Variants in ATP8A1 observed in about 807,000 individuals in gnomAD.
ATP8A1 encodes phospholipid-transporting ATPase IA.
A neutral mutation model predicts 177.7 loss-of-function variants in ATP8A1; 90 were observed. That is an observed-to-expected ratio of 0.51 (90% CI 0.43 to 0.60). The LOEUF (loss-of-function observed/expected upper bound fraction) is 0.60, where lower values mean the gene tolerates loss of function less well. Ranked by LOEUF, ATP8A1 falls within the 20% of genes least tolerant of loss-of-function variation. The pLI, the probability that ATP8A1 is intolerant of heterozygous loss-of-function variation, is 0.00. For synonymous variants in ATP8A1, 493 were observed against 485.9 expected (o/e 1.01, Z -0.19); for missense variants, 1,072 against 1,392.8 (o/e 0.77, Z 3.67).
At chr4:42,520,792 T>C (rs1726042634) in intron 22 of ATP8A1, among the ~76,000 whole-genome samples, 1 of 152,162 alleles carries the variant, frequency 6.6e-6, no homozygotes, top group South Asian at 2.1e-4. Flanking sequence ...TATACAGGTA[T>C]GATATATGTG....
intron 25 of ATP8A1, among the ~76,000 whole-genome samples, chr4:42,471,241 T>C (rs1303893566): frequency 1.3e-5 from 2 of 152,174 alleles, no homozygotes; most frequent in South Asian, 2.1e-4. Flanking sequence ...AAGTGCGCTA[T>C]TCAAATGACT....
rs1473727038 is a variant in ATP8A1, at chr4:42,585,950, T to C, written c.722+399A>G. ...CCCTTGAAGGTAGAGTCTGAACTCC[T>C]TGAAGCATCTCAAGATCACAGGAAA... On this transcript the variant is annotated intron_variant, in intron 9 of 36. Transcript: ENST00000381668. 2.0e-5 allele frequency among the ~76,000 whole-genome samples: 3 copies of C among 152,288 alleles called. No homozygotes were observed. The South Asian group carries it at 6.2e-4, about 32-fold the overall frequency.
At chr4:42,488,794 C>T (rs1482960454) in intron 24 of ATP8A1, among the ~76,000 whole-genome samples, 2 of 152,182 alleles carry the variant, frequency 1.3e-5, no homozygotes, top group African/African-American at 4.8e-5. Flanking sequence ...TGTAAGCCCT[C>T]CCAGGTTCAG....
chr4:42,654,413 AG>A (rs575938352), intron 1 of ATP8A1, among the ~76,000 whole-genome samples: 3 of 152,056 alleles, frequency 2.0e-5, no homozygotes, highest in East Asian at 1.9e-4. Flanking sequence ...AGTCATTTCA[AG>A]GGGGGGAAAA....
intron 18 of ATP8A1, among the ~76,000 whole-genome samples, chr4:42,550,873 A>G (rs368555446): frequency 6.6e-6 from 1 of 152,216 alleles, no homozygotes; most frequent in South Asian, 2.1e-4. Flanking sequence ...TGAGTATTTA[A>G]CTAAAAATTG....
At chr4:42,441,563 A>G (rs1488942868) in intron 33 of ATP8A1, among the ~76,000 whole-genome samples, 1 of 152,176 alleles carries the variant, frequency 6.6e-6, no homozygotes, top group Admixed American at 6.5e-5. Flanking sequence ...AAGAAACAGT[A>G]AATGGAGATG....
chr4:42,507,210 C>T (rs936659487), intron 22 of ATP8A1, 56 bp from the exon 23 acceptor site: 1 of 1,565,574 alleles, frequency 6.4e-7, no homozygotes, highest in Admixed American at 1.8e-5. Flanking sequence ...TCTTTAAAAA[C>T]AAAAAATTGA....
intron 6 of ATP8A1, among the ~76,000 whole-genome samples, chr4:42,592,551 T>C (rs1338029642): frequency 1.3e-5 from 2 of 152,278 alleles, no homozygotes; most frequent in East Asian, 1.9e-4. Context: ...AAGAGTTTAA[T>C]TGGGAAAACA....
chr4:42,585,286 T>C (rs899561483), intron 9 of ATP8A1, among the ~76,000 whole-genome samples: 4 of 152,038 alleles, frequency 2.6e-5, no homozygotes, highest in Admixed American at 1.3e-4. Context: ...CATTTATCAC[T>C]TTCTAACATA....
chr4:42,448,233 C>A (rs1402144479), intron 30 of ATP8A1, among the ~76,000 whole-genome samples: 1 of 152,044 alleles, frequency 6.6e-6, no homozygotes, highest in African/African-American at 2.4e-5. Flanking sequence ...TAGAAAGCAG[C>A]TGGATTCTCA....
chr4:42,653,579 C>G (rs1210722224), intron 1 of ATP8A1, among the ~76,000 whole-genome samples: 1 of 152,228 alleles, frequency 6.6e-6, no homozygotes, highest in African/African-American at 2.4e-5. Flanking sequence ...ATCTACCATA[C>G]CTTTTCCTCC....
At chr4:42,472,292 T>C (rs78054239) in intron 25 of ATP8A1, 2 of 531,544 alleles carry the variant, frequency 3.8e-6, no homozygotes, top group Non-Finnish European at 7.4e-6. Context: ...GAGAACAACA[T>C]GGAAAGCAAG....
chr4:42,652,429 T>C (rs1741187795), intron 1 of ATP8A1, among the ~76,000 whole-genome samples: 1 of 152,246 alleles, frequency 6.6e-6, no homozygotes, highest in South Asian at 2.1e-4. Flanking sequence ...ATCAATATGC[T>C]ATTACCAATA....
intron 1 of ATP8A1, among the ~76,000 whole-genome samples, chr4:42,649,310 T>C (rs1476706373): frequency 2.6e-5 from 4 of 152,032 alleles, no homozygotes; most frequent in Non-Finnish European, 1.5e-5. Flanking sequence ...TAGACAAAAT[T>C]TACACAAATC....
At chr4:42,631,217 T>G (rs1239574884) in intron 1 of ATP8A1, among the ~76,000 whole-genome samples, 1 of 152,162 alleles carries the variant, frequency 6.6e-6, no homozygotes, top group African/African-American at 2.4e-5. Context: ...CTATTATACC[T>G]CTGGTTCATA....
rs549799793 is a variant in ATP8A1 at position 42,483,385 on chromosome 4, A to G, written c.2324+2111T>C. 1.5e-4 allele frequency among the ~76,000 whole-genome samples: 23 copies of G among 151,888 alleles called. No individual in the cohort carries two copies. In the South Asian group the frequency reaches 4.8e-3, roughly 32 times the overall value. The stretch of plus-strand genomic sequence containing the variant: ...AAAGATATGTGACTTAAGAAAAAAA[A>G]AAAAAAAACCTTAAAACTGGAAATA... On this transcript the variant is annotated intron_variant, in intron 25 of 36. Coordinates refer to ENST00000381668, the MANE Select transcript of ATP8A1 (RefSeq NM_006095.2).
chr4:42,530,188 C>T (rs975279719), intron 20 of ATP8A1, among the ~76,000 whole-genome samples: 16 of 152,192 alleles, frequency 1.1e-4, no homozygotes, highest in African/African-American at 1.2e-4. Flanking sequence ...ATGGAGGTTA[C>T]GCATGGGCTC....
intron 22 of ATP8A1, among the ~76,000 whole-genome samples, chr4:42,513,348 T>C (rs1163983788): frequency 2.6e-5 from 4 of 152,216 alleles, no homozygotes; most frequent in Non-Finnish European, 4.4e-5. Context: ...AAAAATGTTA[T>C]ACACATTGTA....
At chr4:42,529,707 T>C (rs1014182015) in intron 20 of ATP8A1, among the ~76,000 whole-genome samples, 10 of 152,156 alleles carry the variant, frequency 6.6e-5, no homozygotes, top group African/African-American at 2.2e-4. Flanking sequence ...CTGCACGATA[T>C]GCAGGCACTA....
Sources: gnomAD v4.1 joint callset for allele counts (sites outside exome capture counted in the v4.1 genomes callset) on GRCh38, gnomAD v4.1.1 for gene constraint, MANE v1.5 for transcripts, NCBI Gene and HGNC (gene_info 2026-07-23, HGNC 2026-07-21) for gene names.